CPEB3: variants seen among roughly 807,000 people sequenced by gnomAD.
CPEB3 encodes cytoplasmic polyadenylation element binding protein 3.
CPEB3 carries 20 observed loss-of-function variants against 67.2 expected under a neutral mutation model. The ratio of observed to expected loss-of-function variants is 0.30; its 90% confidence interval spans 0.21 to 0.43. CPEB3 has a LOEUF of 0.43. Ranked by LOEUF, CPEB3 falls within the 20% of genes least tolerant of loss-of-function variation. CPEB3 has a pLI of 1.00. For missense variants in CPEB3, 746 were observed against 968.6 expected, an observed-to-expected ratio of 0.77 and a Z score of 3.05; for synonymous variants, 376 against 393.1, an observed-to-expected ratio of 0.96 and a Z score of 0.51.
chr10:92,203,400 GTA>G (rs1187949432), intron 2 of CPEB3, among the ~76,000 whole-genome samples: 34 of 139,708 alleles, frequency 2.4e-4, no homozygotes, highest in South Asian at 6.7e-4. Flanking sequence ...ATATATATAC[GTA>G]TATATATGTA....
intron 2 of CPEB3, among the ~76,000 whole-genome samples, chr10:92,237,870 AT>A (rs1170555885): frequency 1.3e-5 from 2 of 152,188 alleles, no homozygotes; most frequent in African/African-American, 4.8e-5. Context: ...TGGGAAAAAA[AT>A]ATAACTTAAT....
intron 2 of CPEB3, among the ~76,000 whole-genome samples, chr10:92,197,897 G>A (rs563548679): frequency 1.8e-4 from 27 of 152,064 alleles, no homozygotes; most frequent in Admixed American, 3.3e-4. Flanking sequence ...TTGCAACGTC[G>A]GGAGTTCGAG....
intron 9 of CPEB3, 60 bp from the exon 10 acceptor site, chr10:92,052,499 G>C: frequency 6.9e-7 from 1 of 1,457,026 alleles, no homozygotes; most frequent in Non-Finnish European, 9.5e-7. Flanking sequence ...TACATGTCTT[G>C]CTTTTGAGAG....
chr10:92,160,090 G>A (rs1847397663), intron 4 of CPEB3, among the ~76,000 whole-genome samples: 1 of 152,020 alleles, frequency 6.6e-6, no homozygotes, highest in Non-Finnish European at 1.5e-5. Context: ...AGAATTACAG[G>A]TGCTGGTCAC....
chr10:92,114,769 T>C (rs2133531161), intron 6 of CPEB3, among the ~76,000 whole-genome samples: 1 of 152,380 alleles, frequency 6.6e-6, no homozygotes, highest in South Asian at 2.1e-4. Context: ...TTCTGAATCC[T>C]GGCTCTCTTC....
intron 6 of CPEB3, among the ~76,000 whole-genome samples, chr10:92,121,096 C>T (rs1845349506): frequency 6.6e-6 from 1 of 151,630 alleles, no homozygotes; most frequent in African/African-American, 2.4e-5. Flanking sequence ...GCAACCTCCA[C>T]CTCCTGGGTT....
At chr10:92,252,968 G>A (rs1229693426) in intron 1 of CPEB3, among the ~76,000 whole-genome samples, 2 of 151,802 alleles carry the variant, frequency 1.3e-5, no homozygotes, top group South Asian at 2.1e-4. Context: ...CTGTTGCCTA[G>A]GCTGGAGTGA....
Position 92,077,342 on chromosome 10 carries a change from G to A in CPEB3, c.1869+3978C>T, listed in dbSNP as rs377002353. ...TAAAGTACTACTGGCTATATTCTAA[G>A]CAAGAAGAAAACGAAGGGGACAGAG... On this transcript the variant is annotated intron_variant, in intron 9 of 9. Transcript: ENST00000265997. 2.0e-5 allele frequency among the ~76,000 whole-genome samples: 3 copies of A among 152,150 alleles called. No individual in the cohort carries two copies. The East Asian group carries it at 5.8e-4, about 29-fold the overall frequency.
At chr10:92,265,757 A>G (rs951958364) in intron 1 of CPEB3, among the ~76,000 whole-genome samples, 40 of 151,678 alleles carry the variant, frequency 2.6e-4, no homozygotes, top group Admixed American at 1.5e-3. Flanking sequence ...TCAAAAAAAA[A>G]AAAGAAAGAA....
At chr10:92,085,460 CCA>C (rs1843332209) in intron 8 of CPEB3, among the ~76,000 whole-genome samples, 1 of 152,136 alleles carries the variant, frequency 6.6e-6, no homozygotes, top group Admixed American at 6.6e-5. Flanking sequence ...CGTCACTGTG[CCA>C]CAGACTGGAG....
At chr10:92,089,386 T>C (rs2133282641) in intron 8 of CPEB3, among the ~76,000 whole-genome samples, 1 of 152,276 alleles carries the variant, frequency 6.6e-6, no homozygotes, top group South Asian at 2.1e-4. Flanking sequence ...AGGGAAGTGT[T>C]GGCATGGGAG....
chr10:92,056,652 T>TA (rs1362710160), intron 9 of CPEB3, among the ~76,000 whole-genome samples: 2 of 152,156 alleles, frequency 1.3e-5, no homozygotes, highest in East Asian at 3.9e-4. Context: ...AAAGTCCGTC[T>TA]AGGCCATAAG....
Position 92,153,242 on chromosome 10 carries a change from G to A in CPEB3, c.1223-8157C>T, listed in dbSNP as rs74149379. Among the ~76,000 whole-genome samples, 823 of 152,198 alleles carry A rather than the reference G, an allele frequency of 5.4e-3. 8 individuals are homozygous for A. The highest frequency in any genetic ancestry group is 0.019 in the African/African-American group (784 of 41,520). ...TGGAATAGCTGATCTCTCTTCCCTC[G>A]AGCAGGCTTTTGACAGAAATACTCA... On this transcript the variant is annotated intron_variant, in intron 4 of 9. Transcript: ENST00000265997.
At chr10:92,117,651 C>G (rs952056135) in intron 6 of CPEB3, among the ~76,000 whole-genome samples, 9 of 151,880 alleles carry the variant, frequency 5.9e-5, no homozygotes, top group Admixed American at 5.9e-4. Context: ...CTTTTAATAC[C>G]TGAGAACACA....
chr10:92,174,303 T>C (rs1217610686), intron 4 of CPEB3, among the ~76,000 whole-genome samples: 1 of 152,216 alleles, frequency 6.6e-6, no homozygotes, highest in Admixed American at 6.5e-5. Flanking sequence ...AACACAAATG[T>C]TCATGTCAAT....
intron 6 of CPEB3, among the ~76,000 whole-genome samples, chr10:92,112,525 G>A (rs1431052392): frequency 1.3e-5 from 2 of 152,232 alleles, no homozygotes; most frequent in African/African-American, 4.8e-5. Context: ...AAAGCTGAGG[G>A]AGATAAGTGG....
chr10:92,284,332 C>T (rs1010827770), intron 1 of CPEB3, among the ~76,000 whole-genome samples: 10 of 151,608 alleles, frequency 6.6e-5, no homozygotes, highest in Admixed American at 2.6e-4. Flanking sequence ...CCACCACGCC[C>T]GGCCAGAATG....
At chr10:92,191,612 A>G (rs935792963) in intron 3 of CPEB3, among the ~76,000 whole-genome samples, 1 of 152,134 alleles carries the variant, frequency 6.6e-6, no homozygotes, top group Non-Finnish European at 1.5e-5. Flanking sequence ...GGGCCTAGAG[A>G]GAACCGGAGG....
intron 9 of CPEB3, among the ~76,000 whole-genome samples, chr10:92,060,643 T>C (rs1000193963): frequency 3.3e-5 from 5 of 152,110 alleles, no homozygotes; most frequent in African/African-American, 7.2e-5. Context: ...CCAGAATATG[T>C]AAGGAGCTCA....
Sources: gnomAD v4.1 joint callset for allele counts (sites outside exome capture counted in the v4.1 genomes callset) on GRCh38, gnomAD v4.1.1 for gene constraint, MANE v1.5 for transcripts, NCBI Gene and HGNC (gene_info 2026-07-23, HGNC 2026-07-21) for gene names.